HIBADH: variants seen among roughly 807,000 people sequenced by gnomAD.
HIBADH encodes 3-hydroxyisobutyrate dehydrogenase.
In HIBADH, 25 loss-of-function variants were observed where a neutral mutation model predicts 36.1. That is an observed-to-expected ratio of 0.69 (90% CI 0.50 to 0.97). The LOEUF is 0.97. Ranked by LOEUF, HIBADH falls within the 50% of genes least tolerant of loss-of-function variation. The pLI, the probability that HIBADH is intolerant of heterozygous loss-of-function variation, is 0.00. For missense variants in HIBADH, 421 were observed against 418.0 expected, an observed-to-expected ratio of 1.01 and a Z score of -0.06; for synonymous variants, 160 against 149.5, an observed-to-expected ratio of 1.07 and a Z score of -0.51.
At chr7:27,543,979 T>C (rs1163550298) in intron 4 of HIBADH, among the ~76,000 whole-genome samples, 1 of 152,186 alleles carries the variant, frequency 6.6e-6, no homozygotes, top group Non-Finnish European at 1.5e-5. Context: ...CCAAGAGCGC[T>C]ATTACTGTTT....
At chr7:27,581,045 G>A (rs571214254) in intron 4 of HIBADH, among the ~76,000 whole-genome samples, 1 of 152,298 alleles carries the variant, frequency 6.6e-6, no homozygotes, top group Admixed American at 6.5e-5. Flanking sequence ...GACACTGCGT[G>A]AGGATACCAG....
In HIBADH at chr7:27,569,859, T is replaced by C. The variant is rs12055920; in HGVS notation, c.485-26759A>G. Among the ~76,000 whole-genome samples, 54 of 152,292 alleles carry C rather than the reference T, an allele frequency of 3.5e-4. No individual in the cohort carries two copies. In the East Asian group the frequency reaches 9.5e-3, roughly 27 times the overall value. On this transcript the variant is annotated intron_variant, in intron 4 of 7. Coordinates refer to ENST00000265395, the MANE Select transcript of HIBADH (RefSeq NM_152740.4). The stretch of plus-strand genomic sequence containing the variant: ...TTCCCTTGGATTTTTAAGTGTCTGG[T>C]TGGCTGCTGCTGCCACCACAAAACT...
chr7:27,595,214 AC>A lies in HIBADH; in HGVS notation c.484+34156del, dbSNP rs554001007. Among the ~76,000 whole-genome samples, 217 of 152,316 alleles carry A rather than the reference AC, an allele frequency of 1.4e-3. 1 individual carries two copies. The highest frequency in any genetic ancestry group is 3.6e-3 in the Admixed American group (55 of 15,296). ...TTTTTATCTCCCCACGCATATTCATACTCATTAAAATGTAATTTCCAGCCAG... is the reference window on the plus strand; with the variant it reads ...TTTTTATCTCCCCACGCATATTCATATCATTAAAATGTAATTTCCAGCCAG... On this transcript the variant is annotated intron_variant, in intron 4 of 7. Coordinates refer to ENST00000265395, the MANE Select transcript of HIBADH (RefSeq NM_152740.4).
At chr7:27,622,336 G>C (rs1785560593) in intron 4 of HIBADH, among the ~76,000 whole-genome samples, 1 of 151,822 alleles carries the variant, frequency 6.6e-6, no homozygotes, top group South Asian at 2.1e-4. Context: ...AAAACCTCTG[G>C]GATACAGCAA....
intron 4 of HIBADH, among the ~76,000 whole-genome samples, chr7:27,614,436 T>C (rs1168622313): frequency 1.3e-5 from 2 of 152,208 alleles, no homozygotes; most frequent in African/African-American, 4.8e-5. Flanking sequence ...GCTCAAAATA[T>C]TTAACATCAG....
chr7:27,662,706 A>T lies in HIBADH; in HGVS notation c.83T>A (p.Phe28Tyr). 1 of 1,366,378 alleles carries T rather than the reference A, an allele frequency of 7.3e-7. No individual in the cohort carries two copies. The highest frequency in any genetic ancestry group is 9.5e-7 in the Non-Finnish European group (1 of 1,053,170). 84.6% of individuals were successfully genotyped at this position (1,366,378 alleles called of 1,614,324 possible). A position where few individuals can be genotyped will look rare whatever the true frequency, so the allele number is the denominator to read the frequency against. Residue 28 changes from phenylalanine (F) to tyrosine (Y), a missense_variant, in exon 1 of 8, where the codon TTT becomes TAT. Phe to Tyr is a conservative substitution (Grantham distance 22). Coordinates refer to ENST00000265395, the MANE Select transcript of HIBADH (RefSeq NM_152740.4). ...SRRLRPAAGSFAAVCSRSVAS... is the reference protein window; with the variant it reads ...SRRLRPAAGSYAAVCSRSVAS... Reference sequence around the variant, plus strand: ...AGGCGTGAGGTCCTTACCCGCTGCAAAGCTGCCGGCTGCCGGCCGCAGCCG... The same window carrying T: ...AGGCGTGAGGTCCTTACCCGCTGCATAGCTGCCGGCTGCCGGCCGCAGCCG...
intron 4 of HIBADH, among the ~76,000 whole-genome samples, chr7:27,614,815 C>CA (rs1785398257): frequency 6.6e-6 from 1 of 152,148 alleles, no homozygotes. Context: ...CAGCACTAGT[C>CA]AGGTGGATCT....
At chr7:27,557,745 C>T (rs991411170) in intron 4 of HIBADH, among the ~76,000 whole-genome samples, 1 of 152,160 alleles carries the variant, frequency 6.6e-6, no homozygotes, top group Non-Finnish European at 1.5e-5. Context: ...AAGGAGGAAC[C>T]CTCATGACCT....
At chr7:27,662,465 C>G (rs997551387) in intron 1 of HIBADH, among the ~76,000 whole-genome samples, 1 of 152,168 alleles carries the variant, frequency 6.6e-6, no homozygotes, top group South Asian at 2.1e-4. Context: ...CCGAAAAGGG[C>G]GCTGAACCCG....
chr7:27,610,828 A>G (rs1785309365), intron 4 of HIBADH, among the ~76,000 whole-genome samples: 2 of 152,208 alleles, frequency 1.3e-5, no homozygotes, highest in Admixed American at 6.5e-5. Flanking sequence ...GTTAGGTGCC[A>G]AAATAGAAAT....
chr7:27,620,305 C>CT (rs912699079), intron 4 of HIBADH, among the ~76,000 whole-genome samples: 2 of 152,174 alleles, frequency 1.3e-5, no homozygotes, highest in African/African-American at 4.8e-5. Context: ...GGGCAACAGA[C>CT]TGAGACCTTG....
At chr7:27,659,834 G>C (rs2128298330) in intron 1 of HIBADH, among the ~76,000 whole-genome samples, 1 of 152,352 alleles carries the variant, frequency 6.6e-6, no homozygotes, top group East Asian at 1.9e-4. Context: ...AAGGCAAGAG[G>C]ATGGCTTCAC....
intron 4 of HIBADH, among the ~76,000 whole-genome samples, chr7:27,571,692 AT>A (rs901117637): frequency 6.6e-6 from 1 of 151,860 alleles, no homozygotes; most frequent in African/African-American, 2.4e-5. Context: ...GCTTACATTT[AT>A]TGTACTTGAT....
intron 4 of HIBADH, among the ~76,000 whole-genome samples, chr7:27,595,579 G>GGTGTGTGTGTGTGTGTGT (rs3219776): frequency 1.4e-5 from 2 of 143,436 alleles, no homozygotes; most frequent in East Asian, 4.2e-4. Flanking sequence ...CATAAGGGCA[G>GGTGTGTGTGTGTGTGTGT]GTGTGTGTGT....
intron 4 of HIBADH, among the ~76,000 whole-genome samples, chr7:27,594,561 T>C (rs1335320795): frequency 2.0e-5 from 3 of 152,216 alleles, no homozygotes; most frequent in Non-Finnish European, 4.4e-5. Flanking sequence ...AATTAATCCA[T>C]AAATTCAGTG....
chr7:27,607,178 CATAAG>C (rs1785243373), intron 4 of HIBADH, among the ~76,000 whole-genome samples: 2 of 152,166 alleles, frequency 1.3e-5, no homozygotes, highest in African/African-American at 4.8e-5. Flanking sequence ...AATTAAAGAC[CATAAG>C]ATGTCATCAA....
chr7:27,607,621 C>T (rs549427366), intron 4 of HIBADH, among the ~76,000 whole-genome samples: 1 of 152,226 alleles, frequency 6.6e-6, no homozygotes, highest in East Asian at 1.9e-4. Context: ...AAAACCTCAC[C>T]TCTACCCAGG....
chr7:27,650,480 ATTT>A (rs903651206), intron 1 of HIBADH, among the ~76,000 whole-genome samples: 7 of 147,390 alleles, frequency 4.7e-5, no homozygotes, highest in African/African-American at 1.7e-4. Context: ...TTATTTATTT[ATTT>A]ATTTATTTAT....
chr7:27,555,338 C>A lies in HIBADH; in HGVS notation c.485-12238G>T, dbSNP rs535446521. On this transcript the variant is annotated intron_variant, in intron 4 of 7. Coordinates refer to ENST00000265395, the MANE Select transcript of HIBADH (RefSeq NM_152740.4). The stretch of plus-strand genomic sequence containing the variant: ...TTTTTTTTTTTAAATAAAGACTAAG[C>A]CAAATACATAAACCTATTATGGATA... 1.4e-3 allele frequency among the ~76,000 whole-genome samples: 200 copies of A among 141,250 alleles called. 1 individual carries two copies. Among genetic ancestry groups the A allele is most frequent in the African/African-American group, 5.1e-3 (192 of 37,856 alleles). 92.7% of individuals were successfully genotyped at this position (141,250 alleles called of 152,430 possible). A position where few individuals can be genotyped will look rare whatever the true frequency, so the allele number is the denominator to read the frequency against.
Sources: gnomAD v4.1 joint callset for allele counts (sites outside exome capture counted in the v4.1 genomes callset) on GRCh38, gnomAD v4.1.1 for gene constraint, MANE v1.5 for transcripts, NCBI Gene and HGNC (gene_info 2026-07-23, HGNC 2026-07-21) for gene names.